Variants in RANBP17 observed in about 807,000 individuals in gnomAD.
RANBP17 encodes the protein RAN binding protein 17, also known as ran-binding protein 17.
RANBP17 carries 158 observed loss-of-function variants against 141.2 expected under a neutral mutation model. The ratio of observed to expected loss-of-function variants is 1.12; its 90% CI spans 0.98 to 1.28. The LOEUF is 1.28. RANBP17 is among the 50% of genes most tolerant of loss of function. RANBP17 has a pLI of 0.00. For missense variants in RANBP17, 1,438 were observed against 1,290.7 expected, an observed-to-expected ratio of 1.11 and a Z score of -1.75; for synonymous variants, 430 against 450.0, an observed-to-expected ratio of 0.96 and a Z score of 0.56.
At chr5:171,062,395 A>G (rs1040814361) in intron 14 of RANBP17, among the ~76,000 whole-genome samples, 1 of 152,110 alleles carries the variant, frequency 6.6e-6, no homozygotes, top group African/African-American at 2.4e-5. Context: ...TCTGTAAAGT[A>G]TTTTATTTCT....
chr5:171,252,775 G>A lies in RANBP17; in HGVS notation c.2776+9955G>A, dbSNP rs889342590. 3.9e-6 allele frequency: 5 copies of A among 1,281,646 alleles called. No individual in the cohort carries two copies. In the African/African-American group the frequency reaches 5.9e-5, roughly 15 times the overall value. 79.4% of individuals were successfully genotyped at this position (1,281,646 alleles called of 1,614,324 possible). ...TTGTAGACTTGCTTCATATGAAAGT[G>A]TGGAGGGTGTGTGCAGCCTCATTGT... On this transcript the variant is annotated intron_variant, in intron 24 of 27. Coordinates refer to ENST00000523189, the MANE Select transcript of RANBP17 (RefSeq NM_022897.5).
At chr5:171,198,732 T>A (rs987545321) in intron 18 of RANBP17, among the ~76,000 whole-genome samples, 2 of 152,134 alleles carry the variant, frequency 1.3e-5, no homozygotes, top group African/African-American at 2.4e-5. Context: ...TCTCTAATAC[T>A]CTATTGAAAA....
Position 171,286,391 on chromosome 5 carries a change from G to A in RANBP17, c.2944-7492G>A, listed in dbSNP as rs142645047. The stretch of plus-strand genomic sequence containing the variant: ...AGTCTTGTTTTTTTAAAAGAGAGGT[G>A]CACCTCATCCTGCATTTCATTTGAC... On this transcript the variant is annotated intron_variant, in intron 25 of 27. Transcript: ENST00000523189. Among the ~76,000 whole-genome samples the A allele has an allele frequency of 3.1e-3, 477 of 152,200 alleles. 10 individuals carry two copies. The East Asian group carries it at 0.051, about 16-fold the overall frequency.
intron 14 of RANBP17, among the ~76,000 whole-genome samples, chr5:171,128,454 A>G (rs1050442705): frequency 6.6e-6 from 1 of 151,948 alleles, no homozygotes; most frequent in Non-Finnish European, 1.5e-5. Context: ...TGAGAGAGCT[A>G]AAAAAAATGA....
Position 171,061,077 on chromosome 5 carries a change from G to A in RANBP17, c.1710+92700G>A, listed in dbSNP as rs868316203. Among the ~76,000 whole-genome samples the A allele has an allele frequency of 6.3e-3, 952 of 151,766 alleles. 11 individuals carry two copies. The highest frequency in any genetic ancestry group is 0.022 in the African/African-American group (899 of 41,334). ...TTTTTTCTTCATTAGTCTTGCTAGC[G>A]GTCTATCAATTTTGTTGATCCTTTC... On this transcript the variant is annotated intron_variant, in intron 14 of 27. Transcript: ENST00000523189.
intron 3 of RANBP17, among the ~76,000 whole-genome samples, chr5:170,886,651 C>CTTTTTTTTT (rs3080616): frequency 1.1e-5 from 1 of 87,860 alleles, no homozygotes. Flanking sequence ...TTTGAGGTGC[C>CTTTTTTTTT]TTTTTTTTTT....
At chr5:171,059,484 C>T (rs1439979690) in intron 14 of RANBP17, among the ~76,000 whole-genome samples, 19 of 151,850 alleles carry the variant, frequency 1.3e-4, no homozygotes, top group South Asian at 1.2e-3. Flanking sequence ...AGATATGCAG[C>T]GTTATTTCTG....
At chr5:170,981,584 A>C (rs1777779219) in intron 14 of RANBP17, among the ~76,000 whole-genome samples, 1 of 151,408 alleles carries the variant, frequency 6.6e-6, no homozygotes. Flanking sequence ...GCCTGCCACT[A>C]TCCATGTAAG....
chr5:171,073,761 C>A (rs1381648789), intron 14 of RANBP17, among the ~76,000 whole-genome samples: 1 of 151,684 alleles, frequency 6.6e-6, no homozygotes, highest in Non-Finnish European at 1.5e-5. Context: ...GGAGAAATGG[C>A]TAATGCTGCA....
At chr5:170,973,211 A>G (rs760393866) in intron 14 of RANBP17, among the ~76,000 whole-genome samples, 14 of 152,216 alleles carry the variant, frequency 9.2e-5, no homozygotes, top group African/African-American at 1.9e-4. Context: ...ATTGATTCAT[A>G]TATGCATTTA....
chr5:171,103,654 A>G (rs1457119839), intron 14 of RANBP17, among the ~76,000 whole-genome samples: 1 of 152,000 alleles, frequency 6.6e-6, no homozygotes, highest in East Asian at 1.9e-4. Context: ...GGTATGAAAA[A>G]AAAAACCCTG....
chr5:170,940,884 G>A (rs191621732), intron 12 of RANBP17, among the ~76,000 whole-genome samples: 14 of 151,572 alleles, frequency 9.2e-5, no homozygotes, highest in Admixed American at 5.9e-4. Context: ...CAATGACTCA[G>A]TGTCATAGAG....
At chr5:171,141,088 A>C (rs1298942544) in intron 14 of RANBP17, among the ~76,000 whole-genome samples, 2 of 152,136 alleles carry the variant, frequency 1.3e-5, no homozygotes, top group African/African-American at 4.8e-5. Context: ...CATTCATTTA[A>C]GAAACATTTG....
At chr5:171,245,869 T>C (rs2127999683) in intron 24 of RANBP17, among the ~76,000 whole-genome samples, 1 of 151,724 alleles carries the variant, frequency 6.6e-6, no homozygotes, top group East Asian at 1.9e-4. Context: ...TGGGAGTTTC[T>C]TCTCATACTT....
intron 5 of RANBP17, among the ~76,000 whole-genome samples, chr5:170,908,338 AAAT>A (rs1771240590): frequency 6.6e-6 from 1 of 151,950 alleles, no homozygotes. Context: ...CAGCTATAAA[AAAT>A]AATGAAATCA....
Position 171,105,845 on chromosome 5 carries a change from G to A in RANBP17, c.1711-64285G>A, listed in dbSNP as rs575397641. 1.1e-3 allele frequency among the ~76,000 whole-genome samples: 166 copies of A among 152,290 alleles called. 1 individual carries two copies. The highest frequency in any genetic ancestry group is 3.8e-3 in the African/African-American group (156 of 41,558). On this transcript the variant is annotated intron_variant, in intron 14 of 27. Transcript: ENST00000523189. ...GGTTCTCTGCAGCAGACCATTCTGA[G>A]GTTGTGGGGATATTGTTGGAAAAAA...
At chr5:171,076,615 C>T (rs1032424714) in intron 14 of RANBP17, among the ~76,000 whole-genome samples, 2 of 152,132 alleles carry the variant, frequency 1.3e-5, no homozygotes, top group Admixed American at 6.5e-5. Flanking sequence ...AAAAAGATGT[C>T]GAAAACTACT....
intron 14 of RANBP17, among the ~76,000 whole-genome samples, chr5:171,153,080 C>T (rs1758604541): frequency 6.6e-6 from 1 of 152,170 alleles, no homozygotes; most frequent in African/African-American, 2.4e-5. Flanking sequence ...CTATACATAT[C>T]TTGTATCTGT....
intron 12 of RANBP17, among the ~76,000 whole-genome samples, chr5:170,935,245 G>C (rs184645311): frequency 6.6e-6 from 1 of 152,138 alleles, no homozygotes; most frequent in Non-Finnish European, 1.5e-5. Context: ...CAATGGGTTC[G>C]AACATCCTCC....
Sources: gnomAD v4.1 joint callset for allele counts (sites outside exome capture counted in the v4.1 genomes callset) on GRCh38, gnomAD v4.1.1 for gene constraint, MANE v1.5 for transcripts, NCBI Gene and HGNC (gene_info 2026-07-23, HGNC 2026-07-21) for gene names.